The following SUMF1 variants were observed in gnomAD, a reference collection of about 807,000 sequenced individuals.
The protein encoded by SUMF1 is formylglycine-generating enzyme.
In SUMF1, 48 loss-of-function variants were observed where a neutral mutation model predicts 47.6. The ratio of observed to expected loss-of-function variants is 1.01; its 90% CI spans 0.80 to 1.28. SUMF1 has a LOEUF of 1.28. Among genes scored for constraint, SUMF1 ranks in the 50% most tolerant of loss-of-function variants. SUMF1 has a pLI of 0.00. For synonymous variants in SUMF1, 230 were observed against 192.1 expected, an observed-to-expected ratio of 1.20 and a Z score of -1.63; for missense variants, 571 against 485.4, an observed-to-expected ratio of 1.18 and a Z score of -1.66.
chr3:4,081,961 A>G lies in SUMF1; in HGVS notation c.1015-13216T>C, dbSNP rs145879793. 7.5e-3 allele frequency among the ~76,000 whole-genome samples: 1,149 copies of G among 152,250 alleles called. 9 individuals are homozygous for G. The highest frequency in any genetic ancestry group is 0.022 in the African/African-American group (923 of 41,516). ...CACATACTGAAAGCCTTAACACAAT[A>G]ACTTTAAGTGTAAGGGTATAAGTCT... On this transcript the variant is annotated intron_variant and NMD_transcript_variant, in intron 8 of 12. Coordinates refer to the SUMF1 transcript ENST00000448413.
intron 8 of SUMF1, among the ~76,000 whole-genome samples, chr3:4,208,650 T>G (rs541869362): frequency 6.6e-6 from 1 of 151,942 alleles, no homozygotes; most frequent in South Asian, 2.1e-4. Context: ...CCAAAAGACA[T>G]GCCAGACATC....
chr3:4,403,752 C>T (rs10494174), intron 7 of SUMF1, among the ~76,000 whole-genome samples: 4,287 of 152,274 alleles, frequency 0.028, 98 homozygotes, highest in African/African-American at 0.062. Flanking sequence ...TGGAGAGTTA[C>T]TGTTCACCAA....
intron 8 of SUMF1, among the ~76,000 whole-genome samples, chr3:4,237,193 C>T (rs1696428210): frequency 6.6e-6 from 1 of 152,080 alleles, no homozygotes; most frequent in South Asian, 2.1e-4. Context: ...TCTAGTTTTA[C>T]AAGAAGCTGC....
chr3:4,339,210 A>G (rs1383498210), intron 8 of SUMF1, among the ~76,000 whole-genome samples: 1 of 152,046 alleles, frequency 6.6e-6, no homozygotes, highest in Non-Finnish European at 1.5e-5. Flanking sequence ...CCCATGTCCA[A>G]TCCTTCCGCC....
At chr3:4,376,908 T>A (rs1700347155) in intron 7 of SUMF1, among the ~76,000 whole-genome samples, 1 of 151,984 alleles carries the variant, frequency 6.6e-6, no homozygotes, top group Non-Finnish European at 1.5e-5. Context: ...CAATCCTCCC[T>A]CCTCAGCCTC....
intron 8 of SUMF1, among the ~76,000 whole-genome samples, chr3:4,128,431 C>T (rs1410794027): frequency 6.6e-6 from 1 of 152,144 alleles, no homozygotes; most frequent in Non-Finnish European, 1.5e-5. Context: ...GTAGTGGCAA[C>T]ATCCCCTAAC....
At chr3:4,072,710 G>A (rs1212712068) in intron 8 of SUMF1, among the ~76,000 whole-genome samples, 2 of 152,046 alleles carry the variant, frequency 1.3e-5, no homozygotes, top group African/African-American at 4.8e-5. Flanking sequence ...TAGCTGATTC[G>A]ATCAAGCAGA....
At chr3:4,193,952 T>C (rs994706230) in intron 8 of SUMF1, among the ~76,000 whole-genome samples, 3 of 152,164 alleles carry the variant, frequency 2.0e-5, no homozygotes, top group Admixed American at 2.0e-4. Flanking sequence ...CTACTATTAT[T>C]GGAATAGGCC....
chr3:4,443,212 A>C (rs1355861609), intron 3 of SUMF1, among the ~76,000 whole-genome samples: 1 of 152,110 alleles, frequency 6.6e-6, no homozygotes, highest in East Asian at 1.9e-4. Flanking sequence ...CAGTAGGTGG[A>C]GGGTACAGTG....
At chr3:4,367,133 G>C (rs934286500) in intron 8 of SUMF1, among the ~76,000 whole-genome samples, 2 of 152,046 alleles carry the variant, frequency 1.3e-5, no homozygotes, top group Non-Finnish European at 2.9e-5. Flanking sequence ...CCCTACTGGG[G>C]GGGTGCCTCA....
At chr3:4,411,100 G>T in intron 6 of SUMF1, 122 bp from the exon 7 acceptor site, 2 of 866,046 alleles carry the variant, frequency 2.3e-6, no homozygotes, top group Non-Finnish European at 3.8e-6. Context: ...TATTCCAACA[G>T]TCAAAGTACA....
At chr3:4,067,466 A>G (rs1695403980) in intron 9 of SUMF1, among the ~76,000 whole-genome samples, 1 of 152,200 alleles carries the variant, frequency 6.6e-6, no homozygotes, top group Non-Finnish European at 1.5e-5. Flanking sequence ...GTTGCACATG[A>G]TAATGCCAAT....
intron 6 of SUMF1, chr3:4,414,898 G>C (rs1701658821): frequency 6.6e-6 from 1 of 152,190 alleles, no homozygotes; most frequent in Non-Finnish European, 1.5e-5. Context: ...CCCTGTCATG[G>C]CCTTTTGTTA....
chr3:4,085,480 AAGT>A (rs1270726792), intron 8 of SUMF1, among the ~76,000 whole-genome samples: 1 of 152,092 alleles, frequency 6.6e-6, no homozygotes, highest in Non-Finnish European at 1.5e-5. Flanking sequence ...ATGAACTATT[AAGT>A]ACATCTCTTC....
chr3:4,316,710 C>T (rs760559216), intron 8 of SUMF1: 72 of 1,550,880 alleles, frequency 4.6e-5, no homozygotes, highest in East Asian at 7.3e-5. Flanking sequence ...CAACCGGCGA[C>T]GATCAGCTCA....
chr3:4,293,804 A>C (rs983446301), intron 8 of SUMF1, among the ~76,000 whole-genome samples: 5 of 152,232 alleles, frequency 3.3e-5, no homozygotes, highest in Admixed American at 3.3e-4. Flanking sequence ...CTCAAGCTAC[A>C]TAATGCCCTT....
intron 8 of SUMF1, among the ~76,000 whole-genome samples, chr3:4,181,585 C>T (rs1899780): frequency 0.73 from 110,878 of 151,962 alleles, 40,620 homozygotes; most frequent in Admixed American, 0.79. Flanking sequence ...AGTTGCTTTG[C>T]TTGTAAAGTG....
intron 8 of SUMF1, among the ~76,000 whole-genome samples, chr3:4,153,941 C>T (rs1694397420): frequency 6.6e-6 from 1 of 151,608 alleles, no homozygotes; most frequent in South Asian, 2.1e-4. Flanking sequence ...CCGCCTAAGG[C>T]ATCAGATCTG....
intron 7 of SUMF1, 137 bp downstream of exon 7, chr3:4,410,728 T>C: frequency 3.8e-6 from 3 of 785,604 alleles, no homozygotes; most frequent in Non-Finnish European, 4.5e-6. Context: ...ATGCGCTTAA[T>C]GTGCCTTTAG....
Sources: allele counts gnomAD v4.1 joint callset (sites outside exome capture counted in the v4.1 genomes callset), GRCh38; gene constraint gnomAD v4.1.1; transcripts MANE v1.5; gene names NCBI Gene and HGNC (gene_info 2026-07-23, HGNC 2026-07-21).